The following CELF4 variants were observed in gnomAD, a reference collection of about 807,000 sequenced individuals.
CELF4 encodes CUGBP Elav-like family member 4, also known as CUG-BP- and ETR-3-like factor 4.
Under a neutral mutation model 59.9 loss-of-function variants are expected in CELF4, and 18 were observed. That is an observed-to-expected ratio of 0.30 (90% confidence interval 0.21 to 0.45). The LOEUF is 0.45. CELF4 is among the 20% of genes least tolerant of loss of function. The pLI is 1.00. For missense variants in CELF4, 456 were observed against 689.0 expected (o/e 0.66, Z 3.79); for synonymous variants, 261 against 267.1 (o/e 0.98, Z 0.22).
At chr18:37,294,737 G>A (rs1356727243) in intron 3 of CELF4, among the ~76,000 whole-genome samples, 1 of 152,182 alleles carries the variant, frequency 6.6e-6, no homozygotes, top group Non-Finnish European at 1.5e-5. Context: ...TCTGTCAGTG[G>A]AATACCCGTT....
chr18:37,427,060 C>A (rs1022344240), intron 2 of CELF4, among the ~76,000 whole-genome samples: 1 of 151,926 alleles, frequency 6.6e-6, no homozygotes, highest in Non-Finnish European at 1.5e-5. Flanking sequence ...AGCTGGGCAC[C>A]CTGGGTGAAG....
intron 1 of CELF4, among the ~76,000 whole-genome samples, chr18:37,487,210 A>G (rs532055176): frequency 2.7e-4 from 41 of 152,286 alleles, no homozygotes; most frequent in African/African-American, 9.9e-4. Context: ...GCCTGTACCC[A>G]GTGAAAACCC....
At chr18:37,381,502 C>T (rs2099040502) in intron 2 of CELF4, among the ~76,000 whole-genome samples, 1 of 152,074 alleles carries the variant, frequency 6.6e-6, no homozygotes, top group Non-Finnish European at 1.5e-5. Context: ...GCCTTGCAGG[C>T]ACCCTAGGGT....
chr18:37,412,678 G>A (rs2099483015), intron 2 of CELF4, among the ~76,000 whole-genome samples: 1 of 152,180 alleles, frequency 6.6e-6, no homozygotes, highest in Admixed American at 6.5e-5. Flanking sequence ...ATGAGTGCAT[G>A]TGTGTATGGA....
rs944248659 is a variant in CELF4, at chr18:37,475,150, G to T, written c.369+10375C>A. On this transcript the variant is annotated intron_variant, in intron 2 of 12. Coordinates refer to ENST00000420428, the MANE Select transcript of CELF4 (RefSeq NM_020180.4). ...CCCTTATTGATTTCCTCTCTTCCTT[G>T]TCTCCACTATTGACCCAAGTTCCTG... Among the ~76,000 whole-genome samples, 11 of 152,280 alleles carry T rather than the reference G, an allele frequency of 7.2e-5. No homozygotes were observed. In the East Asian group the frequency reaches 1.7e-3, roughly 24 times the overall value.
At chr18:37,290,808 G>A (rs990284736) in intron 3 of CELF4, among the ~76,000 whole-genome samples, 2 of 152,216 alleles carry the variant, frequency 1.3e-5, no homozygotes, top group Non-Finnish European at 2.9e-5. Flanking sequence ...CCTAGACTGA[G>A]AGCTGTGTCT....
At chr18:37,414,452 A>T (rs1421974742) in intron 2 of CELF4, among the ~76,000 whole-genome samples, 1 of 144,786 alleles carries the variant, frequency 6.9e-6, no homozygotes, top group Admixed American at 6.8e-5. Flanking sequence ...CTACTCACCC[A>T]TTCTTCTATC....
chr18:37,354,964 G>C (rs2098538867), intron 2 of CELF4, among the ~76,000 whole-genome samples: 1 of 152,244 alleles, frequency 6.6e-6, no homozygotes, highest in Non-Finnish European at 1.5e-5. Context: ...GTTTTCAGCA[G>C]CTCTTTCTCC....
chr18:37,374,274 G>A (rs2098938941), intron 2 of CELF4, among the ~76,000 whole-genome samples: 1 of 152,226 alleles, frequency 6.6e-6, no homozygotes, highest in Admixed American at 6.5e-5. Context: ...GAGGCTTTGA[G>A]CCCTGCACCC....
intron 2 of CELF4, among the ~76,000 whole-genome samples, chr18:37,389,325 C>G (rs541015827): frequency 1.3e-5 from 2 of 152,308 alleles, no homozygotes; most frequent in Admixed American, 6.5e-5. Flanking sequence ...CACAGGGCAG[C>G]CAGTCGGGCT....
chr18:37,452,588 G>A (rs2099767144), intron 2 of CELF4, among the ~76,000 whole-genome samples: 1 of 152,110 alleles, frequency 6.6e-6, no homozygotes, highest in African/African-American at 2.4e-5. Flanking sequence ...ATTTCTGCTT[G>A]AGAGTCTGTG....
intron 1 of CELF4, among the ~76,000 whole-genome samples, chr18:37,508,493 G>A (rs1288283270): frequency 1.3e-5 from 2 of 152,214 alleles, no homozygotes; most frequent in Non-Finnish European, 2.9e-5. Flanking sequence ...GTGGGGGTTA[G>A]GTGGAGAGCT....
At chr18:37,513,694 G>GGT (rs2099947164) in intron 1 of CELF4, among the ~76,000 whole-genome samples, 1 of 152,104 alleles carries the variant, frequency 6.6e-6, no homozygotes, top group Non-Finnish European at 1.5e-5. Context: ...CTACCAGATT[G>GGT]TCCATGCTCA....
intron 1 of CELF4, among the ~76,000 whole-genome samples, chr18:37,490,838 C>T (rs2099900857): frequency 6.6e-6 from 1 of 152,164 alleles, no homozygotes; most frequent in Non-Finnish European, 1.5e-5. Context: ...TCTAGGACCT[C>T]ACCCTGAGCT....
At chr18:37,457,268 G>A (rs1036690482) in intron 2 of CELF4, among the ~76,000 whole-genome samples, 18 of 152,120 alleles carry the variant, frequency 1.2e-4, no homozygotes, top group East Asian at 3.9e-4. Context: ...GTGGCCCCTC[G>A]CTGCCAGCTA....
At chr18:37,525,917 A>G (rs1039891777) in intron 1 of CELF4, among the ~76,000 whole-genome samples, 13 of 152,202 alleles carry the variant, frequency 8.5e-5, no homozygotes, top group Non-Finnish European at 8.8e-5. Context: ...TCACCTAGGC[A>G]TCTATTAGAA....
intron 2 of CELF4, among the ~76,000 whole-genome samples, chr18:37,366,154 A>C (rs2098779306): frequency 6.6e-6 from 1 of 152,174 alleles, no homozygotes; most frequent in Admixed American, 6.5e-5. Flanking sequence ...TGTGTACACC[A>C]TGCTGAGGAG....
intron 2 of CELF4, among the ~76,000 whole-genome samples, chr18:37,341,346 C>T (rs2098023267): frequency 6.6e-6 from 1 of 152,176 alleles, no homozygotes; most frequent in African/African-American, 2.4e-5. Flanking sequence ...GTGCTGCTGA[C>T]AGTGGGAGTG....
intron 1 of CELF4, among the ~76,000 whole-genome samples, chr18:37,550,941 T>G (rs1310111263): frequency 6.6e-6 from 1 of 152,218 alleles, no homozygotes; most frequent in African/African-American, 2.4e-5. Context: ...CGGCCCAGTT[T>G]GATTTGTCAG....
Sources: gnomAD v4.1 joint callset for allele counts (sites outside exome capture counted in the v4.1 genomes callset) on GRCh38, gnomAD v4.1.1 for gene constraint, MANE v1.5 for transcripts, NCBI Gene and HGNC (gene_info 2026-07-23, HGNC 2026-07-21) for gene names.